Variants in CHRM3 observed in about 807,000 individuals in gnomAD.
CHRM3 encodes cholinergic receptor muscarinic 3.
CHRM3 carries 11 observed loss-of-function variants against 41.8 expected under a neutral mutation model. The observed-to-expected ratio is 0.26, with a 90% confidence interval of 0.17 to 0.44. The LOEUF (loss-of-function observed/expected upper bound fraction) is 0.44, where lower values mean the gene tolerates loss of function less well. CHRM3 is among the 20% of genes least tolerant of loss of function. The probability of loss-of-function intolerance (pLI) is 1.00; values close to 1 mark genes in which losing one functional copy is unlikely to be tolerated. For synonymous variants in CHRM3, 297 were observed against 301.4 expected (o/e 0.99, Z 0.15); for missense variants, 571 against 745.4 (o/e 0.77, Z 2.72).
At chr1:239,408,685 T>C (rs971155822) in intron 1 of CHRM3, among the ~76,000 whole-genome samples, 19 of 152,246 alleles carry the variant, frequency 1.2e-4, no homozygotes, top group African/African-American at 4.6e-4. Flanking sequence ...CTCAATCTGC[T>C]GCCCAGGCTG....
chr1:239,726,307 T>C (rs1663430308), intron 5 of CHRM3, among the ~76,000 whole-genome samples: 1 of 151,898 alleles, frequency 6.6e-6, no homozygotes, highest in Non-Finnish European at 1.5e-5. Flanking sequence ...AATACTCCTA[T>C]GTGTACCGAA....
intron 5 of CHRM3, among the ~76,000 whole-genome samples, chr1:239,766,704 T>TATAGATATAGATATAG (rs369264632): frequency 0.016 from 2,395 of 150,922 alleles, 69 homozygotes; most frequent in African/African-American, 0.056. Flanking sequence ...TAGATATAGA[T>TATAGATATAGATATAG]ATAGATATAG....
intron 5 of CHRM3, among the ~76,000 whole-genome samples, chr1:239,749,667 C>CA (rs1181647815): frequency 3.3e-5 from 5 of 151,676 alleles, no homozygotes; most frequent in Non-Finnish European, 7.4e-5. Context: ...GACTCCATCT[C>CA]AAAAAAAATG....
chr1:239,567,619 G>C (rs1661475017), intron 3 of CHRM3, among the ~76,000 whole-genome samples: 1 of 152,080 alleles, frequency 6.6e-6, no homozygotes, highest in South Asian at 2.1e-4. Context: ...GGAAAGGATT[G>C]GTCTGAAACC....
chr1:239,808,560 T>C (rs1378278848), intron 5 of CHRM3, among the ~76,000 whole-genome samples: 2 of 152,144 alleles, frequency 1.3e-5, no homozygotes, highest in Non-Finnish European at 2.9e-5. Context: ...GAGAGTCTCT[T>C]ATTTGCCACC....
At chr1:239,893,531 C>A (rs561488849) in intron 6 of CHRM3, among the ~76,000 whole-genome samples, 20 of 152,034 alleles carry the variant, frequency 1.3e-4, no homozygotes, top group Non-Finnish European at 2.9e-4. Context: ...ATTTCTTCAC[C>A]CTTAAAGTGG....
intron 4 of CHRM3, among the ~76,000 whole-genome samples, chr1:239,632,738 A>G (rs942410282): frequency 1.3e-5 from 2 of 152,194 alleles, no homozygotes; most frequent in Non-Finnish European, 2.9e-5. Context: ...GAAAAGCTCA[A>G]TCTTTCTTAG....
intron 4 of CHRM3, among the ~76,000 whole-genome samples, chr1:239,672,891 C>T (rs2149065832): frequency 6.6e-6 from 1 of 152,148 alleles, no homozygotes; most frequent in Admixed American, 6.5e-5. Context: ...CCTATCATGT[C>T]TAAAAGACAC....
chr1:239,728,460 AGTTTG>A (rs1663650713), intron 5 of CHRM3, among the ~76,000 whole-genome samples: 2 of 152,130 alleles, frequency 1.3e-5, no homozygotes, highest in South Asian at 4.1e-4. Context: ...ATTCCTACTT[AGTTTG>A]GTCAAGTGAG....
chr1:239,433,385 T>C lies in CHRM3; in HGVS notation c.-521+46158T>C, dbSNP rs151064899. On this transcript the variant is annotated intron_variant, in intron 1 of 6. Transcript: ENST00000676153. Reference sequence around the variant, plus strand: ...ATTCAGCCATGCCACGACTGTCTCCTAAATCTCTTTTCTTCTATAGCATCT... The same window carrying C: ...ATTCAGCCATGCCACGACTGTCTCCCAAATCTCTTTTCTTCTATAGCATCT... Among the ~76,000 whole-genome samples the C allele has an allele frequency of 7.5e-3, 1,139 of 152,342 alleles. 10 individuals carry two copies. Among genetic ancestry groups the C allele is most frequent in the Middle Eastern group, 0.034 (10 of 294 alleles).
intron 6 of CHRM3, among the ~76,000 whole-genome samples, chr1:239,857,231 C>G (rs1675193364): frequency 6.6e-6 from 1 of 152,130 alleles, no homozygotes; most frequent in Admixed American, 6.5e-5. Context: ...TAACTTTCAG[C>G]CACCGATCTC....
intron 6 of CHRM3, among the ~76,000 whole-genome samples, chr1:239,831,151 A>C (rs1046841244): frequency 1.1e-4 from 16 of 152,196 alleles, no homozygotes; most frequent in Non-Finnish European, 7.3e-5. Context: ...GAGTCAGGAC[A>C]CAGGGCTGAC....
chr1:239,507,327 G>A (rs548277643), intron 2 of CHRM3, among the ~76,000 whole-genome samples: 7 of 152,108 alleles, frequency 4.6e-5, no homozygotes, highest in East Asian at 1.9e-4. Context: ...TGCTGTTCTC[G>A]TGATAGTGAA....
At chr1:239,647,977 C>A (rs181785294) in intron 4 of CHRM3, among the ~76,000 whole-genome samples, 9 of 152,204 alleles carry the variant, frequency 5.9e-5, no homozygotes, top group Admixed American at 2.6e-4. Context: ...AATGTAAGCC[C>A]TAAGTAAATA....
chr1:239,609,095 T>G (rs1666697678), intron 3 of CHRM3, among the ~76,000 whole-genome samples: 1 of 152,220 alleles, frequency 6.6e-6, no homozygotes, highest in Non-Finnish European at 1.5e-5. Context: ...GTTCCACACT[T>G]TGTAATACAT....
intron 3 of CHRM3, among the ~76,000 whole-genome samples, chr1:239,599,156 T>C (rs1308528109): frequency 6.6e-6 from 1 of 152,190 alleles, no homozygotes; most frequent in East Asian, 1.9e-4. Context: ...TCTCTTATTT[T>C]CTGCTCTGCC....
At chr1:239,872,858 A>G (rs550459005) in intron 6 of CHRM3, among the ~76,000 whole-genome samples, 3 of 152,290 alleles carry the variant, frequency 2.0e-5, no homozygotes, top group African/African-American at 7.2e-5. Flanking sequence ...GCATAAAGCC[A>G]CCTGCACAAA....
At chr1:239,426,134 C>T (rs542963542) in intron 1 of CHRM3, among the ~76,000 whole-genome samples, 1,605 of 17,448 alleles carry the variant, frequency 0.092, 51 homozygotes, top group Non-Finnish European at 0.19. Context: ...TGCTATCCCT[C>T]CCCCCTCCCC....
intron 2 of CHRM3, among the ~76,000 whole-genome samples, chr1:239,495,668 A>G (rs1667831768): frequency 6.6e-6 from 1 of 152,102 alleles, no homozygotes; most frequent in Non-Finnish European, 1.5e-5. Flanking sequence ...TAGTTACTTA[A>G]AACAGTCAGC....
Sources: gnomAD v4.1 joint callset for allele counts (sites outside exome capture counted in the v4.1 genomes callset) on GRCh38, gnomAD v4.1.1 for gene constraint, MANE v1.5 for transcripts, NCBI Gene and HGNC (gene_info 2026-07-23, HGNC 2026-07-21) for gene names.